Variants in CDH4 observed in about 807,000 individuals in gnomAD.
CDH4 encodes cadherin-4.
CDH4 carries 33 observed loss-of-function variants against 86.0 expected under a neutral mutation model. The observed-to-expected ratio is 0.38, with a 90% CI of 0.29 to 0.51. CDH4 has a LOEUF of 0.51. Ranked by LOEUF, CDH4 falls within the 20% of genes least tolerant of loss-of-function variation. The probability of loss-of-function intolerance (pLI) is 0.86; values close to 1 mark genes in which losing one functional copy is unlikely to be tolerated. For synonymous variants in CDH4, 555 were observed against 549.4 expected (o/e 1.01, Z -0.14); for missense variants, 1,114 against 1,307.4 (o/e 0.85, Z 2.28).
At chr20:61,519,219 A>T (rs2085849905) in intron 2 of CDH4, among the ~76,000 whole-genome samples, 1 of 152,274 alleles carries the variant, frequency 6.6e-6, no homozygotes, top group African/African-American at 2.4e-5. Flanking sequence ...GGACCTTCAT[A>T]GGATGATGTG....
intron 6 of CDH4, among the ~76,000 whole-genome samples, chr20:61,873,028 A>G (rs925399769): frequency 2.0e-5 from 3 of 152,224 alleles, no homozygotes; most frequent in African/African-American, 7.2e-5. Context: ...AAAGTGGGGA[A>G]TGTGCCAGAG....
At chr20:61,303,642 C>T (rs776354034) in intron 2 of CDH4, among the ~76,000 whole-genome samples, 1 of 152,230 alleles carries the variant, frequency 6.6e-6, no homozygotes, top group Non-Finnish European at 1.5e-5. Context: ...TCCTGAAGTC[C>T]TCTTCTCTCT....
At chr20:61,755,890 C>T (rs1051305433) in intron 3 of CDH4, among the ~76,000 whole-genome samples, 1 of 152,208 alleles carries the variant, frequency 6.6e-6, no homozygotes, top group African/African-American at 2.4e-5. Context: ...ATACCAAACT[C>T]AGTCTGAAAA....
intron 4 of CDH4, among the ~76,000 whole-genome samples, chr20:61,785,956 T>C (rs971106938): frequency 6.6e-6 from 1 of 152,170 alleles, no homozygotes; most frequent in South Asian, 2.1e-4. Flanking sequence ...AAGAAACCAG[T>C]GGCCGGAGGT....
At chr20:61,496,307 C>T (rs919761857) in intron 2 of CDH4, among the ~76,000 whole-genome samples, 2 of 151,784 alleles carry the variant, frequency 1.3e-5, no homozygotes, top group Non-Finnish European at 2.9e-5. Flanking sequence ...GATGCTGAGG[C>T]AGGAGGATCA....
intron 2 of CDH4, among the ~76,000 whole-genome samples, chr20:61,524,008 AGAAGCCACTTGTGAACTGT>A (rs1363443725): frequency 6.6e-6 from 1 of 152,240 alleles, no homozygotes; most frequent in Non-Finnish European, 1.5e-5. Flanking sequence ...TAAAAGACCC[AGAAGCCACTTGTGAACTGT>A]AGGGCTTCCC....
intron 2 of CDH4, among the ~76,000 whole-genome samples, chr20:61,343,358 A>G (rs1029382489): frequency 2.0e-5 from 3 of 152,254 alleles, no homozygotes; most frequent in African/African-American, 4.8e-5. Context: ...TTCAGATTAT[A>G]TCAAGGGATT....
intron 2 of CDH4, among the ~76,000 whole-genome samples, chr20:61,610,794 T>C (rs1413852665): frequency 6.6e-6 from 1 of 152,198 alleles, no homozygotes; most frequent in Non-Finnish European, 1.5e-5. Flanking sequence ...GTCCTTCAGA[T>C]ACGAATCCAT....
rs186059459 is a variant in CDH4, at chr20:61,304,940, T to C, written c.169+50003T>C. On this transcript the variant is annotated intron_variant, in intron 2 of 15. Transcript: ENST00000614565. ...GCGTGTGTTGTACATGCAGTGTATGTGTTGTATGTGTGTGTGTGCTTTGTG... is the reference window on the plus strand; with the variant it reads ...GCGTGTGTTGTACATGCAGTGTATGCGTTGTATGTGTGTGTGTGCTTTGTG... Among the ~76,000 whole-genome samples the C allele has an allele frequency of 9.2e-3, 1,398 of 151,756 alleles. 23 individuals carry two copies. The highest frequency in any genetic ancestry group is 0.032 in the African/African-American group (1,312 of 41,374).
intron 2 of CDH4, among the ~76,000 whole-genome samples, chr20:61,261,717 A>G (rs1180429433): frequency 1.3e-5 from 2 of 152,296 alleles, no homozygotes; most frequent in Non-Finnish European, 2.9e-5. Flanking sequence ...ACAGGATCGG[A>G]CCCAGATGTT....
chr20:61,523,304 C>T (rs1413840625), intron 2 of CDH4, among the ~76,000 whole-genome samples: 1 of 152,260 alleles, frequency 6.6e-6, no homozygotes, highest in Non-Finnish European at 1.5e-5. Context: ...GCACTGCCAG[C>T]GGGCCCACGC....
chr20:61,421,289 AG>A (rs889367532), intron 2 of CDH4, among the ~76,000 whole-genome samples: 2 of 152,188 alleles, frequency 1.3e-5, no homozygotes, highest in African/African-American at 4.8e-5. Context: ...CTTCAATTTC[AG>A]AAAAGCACTG....
chr20:61,367,091 C>T (rs889106992), intron 2 of CDH4, among the ~76,000 whole-genome samples: 1 of 152,158 alleles, frequency 6.6e-6, no homozygotes, highest in African/African-American at 2.4e-5. Context: ...CAGATCCAGT[C>T]CACCCAAGCC....
intron 2 of CDH4, among the ~76,000 whole-genome samples, chr20:61,504,697 A>C (rs1215369286): frequency 6.6e-6 from 1 of 152,252 alleles, no homozygotes; most frequent in Non-Finnish European, 1.5e-5. Context: ...TGGACGTTGC[A>C]GTGACAGCGT....
intron 2 of CDH4, among the ~76,000 whole-genome samples, chr20:61,617,049 G>T (rs954817565): frequency 9.2e-5 from 14 of 152,220 alleles, no homozygotes; most frequent in African/African-American, 3.1e-4. Flanking sequence ...TGGGACAGAA[G>T]AACACCCACA....
intron 2 of CDH4, among the ~76,000 whole-genome samples, chr20:61,668,642 A>C (rs1183764817): frequency 6.6e-6 from 1 of 152,234 alleles, no homozygotes; most frequent in African/African-American, 2.4e-5. Context: ...GACTGGGGTC[A>C]GAGAGGTGAA....
chr20:61,431,901 T>C (rs1319777203), intron 2 of CDH4, among the ~76,000 whole-genome samples: 2 of 152,166 alleles, frequency 1.3e-5, no homozygotes, highest in Non-Finnish European at 1.5e-5. Context: ...GGGAATATAC[T>C]TTTTTGTGCC....
intron 2 of CDH4, among the ~76,000 whole-genome samples, chr20:61,636,422 A>T (rs2086947199): frequency 6.6e-6 from 1 of 152,232 alleles, no homozygotes; most frequent in African/African-American, 2.4e-5. Context: ...CTCTTGTTCC[A>T]TTAATAAGCC....
chr20:61,546,706 C>T (rs2086089760), intron 2 of CDH4, among the ~76,000 whole-genome samples: 1 of 152,000 alleles, frequency 6.6e-6, no homozygotes, highest in Admixed American at 6.5e-5. Flanking sequence ...TGAAGCTGGC[C>T]TAGGTCTGAA....
Sources: gnomAD v4.1 joint callset for allele counts (sites outside exome capture counted in the v4.1 genomes callset) on GRCh38, gnomAD v4.1.1 for gene constraint, MANE v1.5 for transcripts, NCBI Gene and HGNC (gene_info 2026-07-23, HGNC 2026-07-21) for gene names.